GGA2: variants seen among roughly 807,000 people sequenced by gnomAD.
The protein encoded by GGA2 is ADP-ribosylation factor-binding protein GGA2.
In GGA2, 48 loss-of-function variants were observed where a neutral mutation model predicts 79.5. The observed-to-expected ratio is 0.60, with a 90% CI of 0.48 to 0.77. GGA2 has a LOEUF of 0.77. Among genes scored for constraint, GGA2 ranks in the 30% least tolerant of loss-of-function variants. The pLI, the probability that GGA2 is intolerant of heterozygous loss-of-function variation, is 0.00. For missense variants in GGA2, 770 were observed against 774.0 expected, an observed-to-expected ratio of 0.99 and a Z score of 0.06; for synonymous variants, 317 against 302.0, an observed-to-expected ratio of 1.05 and a Z score of -0.51.
rs1964584573 is a variant in GGA2, at chr16:23,477,068, C to T, written c.1292+1300G>A. 2.0e-5 allele frequency among the ~76,000 whole-genome samples: 3 copies of T among 152,196 alleles called. No individual in the cohort carries two copies. In the South Asian group the frequency reaches 6.2e-4, roughly 31 times the overall value. ...CCGGGCTCAAGTGATCCTTCTACCTCAGCCTCCTGAGCAGCTGGGACTACA... is the reference window on the plus strand; with the variant it reads ...CCGGGCTCAAGTGATCCTTCTACCTTAGCCTCCTGAGCAGCTGGGACTACA... On this transcript the variant is annotated intron_variant, in intron 13 of 16. Coordinates refer to ENST00000309859, the MANE Select transcript of GGA2 (RefSeq NM_015044.4).
Position 23,481,720 on chromosome 16 carries a change from T to C in GGA2, c.881-950A>G, listed in dbSNP as rs1964650834. ...CACAGGATGTAAAGGCTGTAGAGGC[T>C]ACAGTGAGCTGAGCACGCCACTGGA... On this transcript the variant is annotated intron_variant, in intron 9 of 16. Transcript: ENST00000309859. Among the ~76,000 whole-genome samples, 3 of 151,914 alleles carry C rather than the reference T, an allele frequency of 2.0e-5. No individual in the cohort carries two copies. In the South Asian group the frequency reaches 6.2e-4, roughly 31 times the overall value.
At chr16:23,488,762 A>C (rs1342212773) in intron 5 of GGA2, 53 bp from the exon 6 acceptor site, 1 of 997,284 alleles carries the variant, frequency 1.0e-6, no homozygotes, top group African/African-American at 1.6e-5. Flanking sequence ...CAGAAACTTC[A>C]GTCAGAATCC....
chr16:23,470,667 G>A (rs1475483701), intron 14 of GGA2, among the ~76,000 whole-genome samples: 1 of 151,856 alleles, frequency 6.6e-6, no homozygotes, highest in Non-Finnish European at 1.5e-5. Flanking sequence ...AGAGGCTGAG[G>A]CACGAAAATC....
chr16:23,519,747 A>G (rs1305571872), intron 1 of GGA2: 2 of 233,900 alleles, frequency 8.6e-6, no homozygotes, highest in African/African-American at 2.4e-5. Context: ...GTTTCTAGGT[A>G]CAGATTCCAT....
chr16:23,486,147 T>C lies in GGA2; in HGVS notation c.666A>G (p.Gln222=), dbSNP rs188262438. 1.9e-6 allele frequency: 3 copies of C among 1,613,912 alleles called. No individual in the cohort carries two copies. In the African/African-American group the frequency reaches 4.0e-5, roughly 22 times the overall value. Residue 222 remains glutamine (Q), a synonymous_variant, in exon 8 of 17, where the codon CAA becomes CAG. Transcript: ENST00000309859. ...RLIKNLVKEE[Q]EKSEKVSKRV... ...TCTTGGACACCTTCTCCGATTTTTC[T>C]TGTTCCTTTTGGGAAAAAGAGGAGG...
At chr16:23,486,848 G>T in intron 6 of GGA2, 58 bp from the exon 7 acceptor site, 1 of 962,698 alleles carries the variant, frequency 1.0e-6, no homozygotes, top group Non-Finnish European at 1.7e-6. Flanking sequence ...GCCTAGAGCA[G>T]AAGCAGCAGC....
chr16:23,517,471 C>T (rs1385901513), intron 2 of GGA2, among the ~76,000 whole-genome samples: 2 of 5,000 alleles, frequency 4.0e-4, no homozygotes, highest in Non-Finnish European at 5.6e-4. Context: ...CCTCGTGATC[C>T]GCCCGCCTCG....
chr16:23,485,012 A>G (rs551351212), intron 8 of GGA2, among the ~76,000 whole-genome samples: 17 of 152,380 alleles, frequency 1.1e-4, no homozygotes, highest in African/African-American at 4.1e-4. Context: ...AAATGGAGAA[A>G]CAAACTGTGG....
chr16:23,489,608 GA>G (rs1259897472), intron 5 of GGA2, among the ~76,000 whole-genome samples: 1 of 151,792 alleles, frequency 6.6e-6, no homozygotes, highest in Non-Finnish European at 1.5e-5. Context: ...GAAATCTAAG[GA>G]AAAAAACAAC....
At chr16:23,493,268 C>T (rs142732416) in intron 4 of GGA2, 92 bp downstream of exon 4, 7 of 784,758 alleles carry the variant, frequency 8.9e-6, no homozygotes, top group African/African-American at 3.4e-5. Flanking sequence ...TTTGTCCATG[C>T]GTGGGCCTGC....
chr16:23,488,786 G>A, intron 5 of GGA2, 77 bp from the exon 6 acceptor site: 1 of 813,480 alleles, frequency 1.2e-6, no homozygotes. Context: ...ATAAAGTCTG[G>A]AAACCCCTGG....
chr16:23,479,178 T>C (rs759528872), intron 11 of GGA2: 56 of 534,160 alleles, frequency 1.0e-4, no homozygotes, highest in Middle Eastern at 7.3e-4. Context: ...ACCACCCTGA[T>C]TGCCTCAGCA....
At chr16:23,478,767 T>C (rs1191444797) in intron 12 of GGA2, 116 bp downstream of exon 12, 1 of 820,990 alleles carries the variant, frequency 1.2e-6, no homozygotes, top group Non-Finnish European at 2.1e-6. Flanking sequence ...TCCAAGGCCA[T>C]GATCCCACCG....
rs1964435005 is a variant in GGA2 at position 23,466,168 on chromosome 16, T to C, written c.*1422A>G. ...AAGTCAAAAGATCAGACTGTAAAAATATCAGATATTGTAATTAAGAGCTCC... is the reference window on the plus strand; with the variant it reads ...AAGTCAAAAGATCAGACTGTAAAAACATCAGATATTGTAATTAAGAGCTCC... On this transcript the variant is annotated 3_prime_UTR_variant, in exon 17 of 17. Coordinates refer to ENST00000309859, the MANE Select transcript of GGA2 (RefSeq NM_015044.4). The C allele has an allele frequency of 6.6e-6, 1 of 152,046 alleles. No individual in the cohort carries two copies. Among genetic ancestry groups the C allele is most frequent in the Admixed American group, 6.6e-5 (1 of 15,248 alleles). The allele number at this position is 152,046 out of a possible 1,614,324, so 9.4% of individuals were successfully genotyped here.
At position 23,519,484 on chromosome 16, in the gene GGA2, T is replaced by C. The variant is rs1165094017; in HGVS notation, c.61+103A>G. Reference sequence around the variant, plus strand: ...TGACCACAGCTGATTGGACCAGGGGTAGACACCTGACCCAGGCTAGGCCAA... The same window carrying C: ...TGACCACAGCTGATTGGACCAGGGGCAGACACCTGACCCAGGCTAGGCCAA... On this transcript the variant is annotated intron_variant, in intron 2 of 5. Transcript: ENST00000569300. 3 of 266,500 alleles carry C rather than the reference T, an allele frequency of 1.1e-5. No individual in the cohort carries two copies. The Admixed American group carries it at 1.5e-4, about 13-fold the overall frequency. 16.5% of individuals were successfully genotyped at this position (266,500 alleles called of 1,614,324 possible). A position where few individuals can be genotyped will look rare whatever the true frequency, so the allele number is the denominator to read the frequency against.
upstream of GGA2, chr16:23,510,505 C>T (rs936981556): frequency 1.3e-5 from 6 of 457,768 alleles, no homozygotes; most frequent in South Asian, 3.0e-4. Flanking sequence ...GCGGCAGGAG[C>T]GGTGGACACG....
chr16:23,510,305 C>T lies in GGA2; in HGVS notation c.91+16G>A. ...GCGGCGCAGCGGCTGCGCCGAAGGC[C>T]TGCCAGGCTACTCACTGAGCCACAG... is the stretch of plus-strand genomic sequence containing the variant. On this transcript the variant is annotated intron_variant, in intron 1 of 16. Coordinates refer to ENST00000309859, the MANE Select transcript of GGA2 (RefSeq NM_015044.4). 1 of 1,417,044 alleles carries T rather than the reference C, an allele frequency of 7.1e-7. No homozygotes were observed. Among genetic ancestry groups the T allele is most frequent in the Non-Finnish European group, 9.3e-7 (1 of 1,078,880 alleles). 87.8% of individuals were successfully genotyped at this position (1,417,044 alleles called of 1,614,324 possible). A position where few individuals can be genotyped will look rare whatever the true frequency, so the allele number is the denominator to read the frequency against.
rs1964828397 is a variant in GGA2, at chr16:23,494,361, C to A, written c.194G>T (p.Trp65Leu). 6.2e-7 allele frequency: 1 copy of A among 1,612,394 alleles called. No individual in the cohort carries two copies. Among genetic ancestry groups the A allele is most frequent in the Non-Finnish European group, 8.5e-7 (1 of 1,178,374 alleles). The change falls in exon 3 of 17, where the codon TGG (tryptophan) becomes TTG (leucine). Residue 65 changes from tryptophan to leucine, a missense_variant. Transcript: ENST00000309859. ...AGACTGGATCTTGTGGGCCAGTAGC[C>A]AGGGCGCATGTGTGGGGCTACAGGG... ...TDPNGPTHAP[W>L]LLAHKIQSPQ...
intron 9 of GGA2, 64 bp from the exon 10 acceptor site, chr16:23,480,834 AG>A: frequency 6.6e-7 from 1 of 1,522,036 alleles, no homozygotes; most frequent in Non-Finnish European, 9.1e-7. Flanking sequence ...GTCTTTTCTA[AG>A]CTTTTCCATA....
Sources: gnomAD v4.1 joint callset for allele counts (sites outside exome capture counted in the v4.1 genomes callset) on GRCh38, gnomAD v4.1.1 for gene constraint, MANE v1.5 for transcripts, NCBI Gene and HGNC (gene_info 2026-07-23, HGNC 2026-07-21) for gene names.